The following NIBAN2 variants were observed in gnomAD, a reference collection of about 807,000 sequenced individuals.
NIBAN2 encodes the protein niban apoptosis regulator 2.
Under a neutral mutation model 81.8 loss-of-function variants are expected in NIBAN2, and 36 were observed. The observed-to-expected ratio is 0.44, with a 90% confidence interval of 0.34 to 0.58. The LOEUF (loss-of-function observed/expected upper bound fraction) is 0.58. Among genes scored for constraint, NIBAN2 ranks in the 20% least tolerant of loss-of-function variants. NIBAN2 has a pLI of 0.02. For synonymous variants in NIBAN2, 445 were observed against 441.6 expected, an observed-to-expected ratio of 1.01 and a Z score of -0.10; for missense variants, 897 against 1,014.1, an observed-to-expected ratio of 0.88 and a Z score of 1.57.
At position 127,517,584 on chromosome 9, in the gene NIBAN2, A is replaced by G. The variant is rs1473203258; in HGVS notation, c.705+242T>C. On this transcript the variant is annotated intron_variant, in intron 6 of 13. Transcript: ENST00000373312. This position sits in a 1 kb window ranked among gnomAD's most constrained non-coding sequence, Gnocchi z 4.0. ...CCCTGAGGGCCAGGAATTTGTCCAC[A>G]TCATTCCCAGCTGCACCCCAGTGCC... is the stretch of plus-strand genomic sequence containing the variant. 1.3e-5 allele frequency among the ~76,000 whole-genome samples: 2 copies of G among 152,162 alleles called. No individual in the cohort carries two copies. Among genetic ancestry groups the G allele is most frequent in the African/African-American group, 2.4e-5 (1 of 41,410 alleles).
rs375909922 is a variant in NIBAN2 at position 127,508,010 on chromosome 9, C to A, written c.1543-32G>T. ...GGGTGGGGCGGCAGAGATGAGAGGT[C>A]AGGGCCAAGGGTAGAGGGAGGCCTG... On this transcript the variant is annotated intron_variant, in intron 12 of 13. Coordinates refer to ENST00000373312, the MANE Select transcript of NIBAN2 (RefSeq NM_022833.4). This position sits in a 1 kb window ranked among gnomAD's most constrained non-coding sequence, Gnocchi z 6.4. 1.8e-4 allele frequency: 290 copies of A among 1,612,962 alleles called. No individual in the cohort carries two copies. The highest frequency in any genetic ancestry group is 2.3e-4 in the Non-Finnish European group (274 of 1,179,162).
chr9:127,521,917 T>G (rs1836950571), intron 5 of NIBAN2, among the ~76,000 whole-genome samples: 1 of 152,154 alleles, frequency 6.6e-6, no homozygotes, highest in African/African-American at 2.4e-5. Context: ...AGCTCAAGTT[T>G]ATCATCATCC....
At chr9:127,567,373 G>A (rs971129777) in intron 1 of NIBAN2, among the ~76,000 whole-genome samples, 3 of 152,192 alleles carry the variant, frequency 2.0e-5, no homozygotes, top group African/African-American at 4.8e-5. Flanking sequence ...AGGCCTGGTC[G>A]GATAAGGAGG....
At chr9:127,572,963 T>C (rs1253502149), upstream of NIBAN2, among the ~76,000 whole-genome samples, 2 of 152,154 alleles carry the variant, frequency 1.3e-5, no homozygotes, top group Admixed American at 6.5e-5. Context: ...AGGAAGACCT[T>C]GAGCCCAGGA....
At chr9:127,520,065 C>T (rs1033823661) in intron 5 of NIBAN2, among the ~76,000 whole-genome samples, 13 of 152,136 alleles carry the variant, frequency 8.5e-5, no homozygotes, top group Non-Finnish European at 1.6e-4. Context: ...TCTCTTTCTG[C>T]ACACCCAGCC....
At chr9:127,533,952 T>C (rs1837228290) in intron 1 of NIBAN2, among the ~76,000 whole-genome samples, 1 of 152,254 alleles carries the variant, frequency 6.6e-6, no homozygotes, top group Admixed American at 6.5e-5. Context: ...AGGTGAGTGC[T>C]ATGGCCTTGA....
intron 1 of NIBAN2, among the ~76,000 whole-genome samples, chr9:127,568,431 G>A (rs1251275274): frequency 3.3e-5 from 5 of 152,034 alleles, no homozygotes; most frequent in Non-Finnish European, 7.4e-5. Flanking sequence ...GCTGGGTCTG[G>A]GAGATCCCAA....
intron 5 of NIBAN2, among the ~76,000 whole-genome samples, chr9:127,523,381 G>A (rs1398197694): frequency 6.6e-6 from 1 of 150,886 alleles, no homozygotes; most frequent in African/African-American, 2.4e-5. Flanking sequence ...CTAAGGTCAC[G>A]TAGCTGGAAA....
intron 1 of NIBAN2, among the ~76,000 whole-genome samples, chr9:127,547,021 G>A (rs1794242415): frequency 6.6e-6 from 1 of 151,364 alleles, no homozygotes; most frequent in African/African-American, 2.4e-5. Context: ...CCCGAGAAAG[G>A]CCAAGATTCG....
At chr9:127,544,949 G>A (rs1019741020) in intron 1 of NIBAN2, among the ~76,000 whole-genome samples, 4 of 152,186 alleles carry the variant, frequency 2.6e-5, no homozygotes, top group African/African-American at 4.8e-5. Context: ...TTGGACAGAT[G>A]GGGAAACTGA....
intron 1 of NIBAN2, among the ~76,000 whole-genome samples, chr9:127,574,966 T>G (rs1431764180): frequency 6.6e-6 from 1 of 152,204 alleles, no homozygotes; most frequent in Non-Finnish European, 1.5e-5. Context: ...TCCAGGGAAC[T>G]GGCCTCCCTG....
chr9:127,508,303 C>A lies in NIBAN2; in HGVS notation c.1435-103G>T. The A allele has an allele frequency of 7.6e-7, 1 of 1,312,656 alleles. No individual in the cohort carries two copies. 81.3% of individuals were successfully genotyped at this position (1,312,656 alleles called of 1,614,324 possible). On this transcript the variant is annotated intron_variant, in intron 11 of 13. Coordinates refer to ENST00000373312, the MANE Select transcript of NIBAN2 (RefSeq NM_022833.4). The surrounding 1 kb of genome is among the most constrained non-coding windows in gnomAD (Gnocchi z 6.4). ...CTGACCCAAGCCTCCGAGTCCTCATCCGCACAAGAGGACCATGGCGCCTCC... is the reference window on the plus strand; with the variant it reads ...CTGACCCAAGCCTCCGAGTCCTCATACGCACAAGAGGACCATGGCGCCTCC...
chr9:127,554,647 G>A (rs1837636294), intron 1 of NIBAN2, among the ~76,000 whole-genome samples: 1 of 136,726 alleles, frequency 7.3e-6, no homozygotes. Context: ...TGCAATCTCA[G>A]CCTCCCAAGT....
At chr9:127,554,861 A>G (rs1178826713) in intron 1 of NIBAN2, among the ~76,000 whole-genome samples, 1 of 151,918 alleles carries the variant, frequency 6.6e-6, no homozygotes, top group Non-Finnish European at 1.5e-5. Context: ...GAGCCACCAA[A>G]ATGCTGGGAT....
chr9:127,575,730 A>G (rs949305774), intron 1 of NIBAN2, among the ~76,000 whole-genome samples: 4 of 151,770 alleles, frequency 2.6e-5, no homozygotes, highest in Non-Finnish European at 2.9e-5. Flanking sequence ...GGGTTTCACC[A>G]TATTGATCAG....
rs552297595 is a variant in NIBAN2, at chr9:127,535,011, G to C, written c.56-3233C>G. The stretch of plus-strand genomic sequence containing the variant: ...TCTCCATGAGAACCCCAGGAAGCCA[G>C]TGCTGTTGTTTTCCTATTTCAGGGA... On this transcript the variant is annotated intron_variant, in intron 1 of 13. Transcript: ENST00000373312. 1.9e-4 allele frequency among the ~76,000 whole-genome samples: 29 copies of C among 151,620 alleles called. 1 individual carries two copies. The South Asian group carries it at 6.1e-3, about 32-fold the overall frequency.
upstream of NIBAN2, among the ~76,000 whole-genome samples, chr9:127,573,046 T>G (rs1837966177): frequency 1.3e-5 from 2 of 152,110 alleles, no homozygotes; most frequent in South Asian, 4.1e-4. Context: ...CCTTCCCTCT[T>G]TATAGATATA....
intron 1 of NIBAN2, among the ~76,000 whole-genome samples, chr9:127,546,110 G>C (rs954476126): frequency 6.6e-6 from 1 of 152,208 alleles, no homozygotes; most frequent in East Asian, 1.9e-4. Context: ...CCACGCCCAA[G>C]GAGGAGGCTG....
upstream of NIBAN2, among the ~76,000 whole-genome samples, chr9:127,569,625 C>T (rs970872067): frequency 6.6e-6 from 1 of 151,900 alleles, no homozygotes; most frequent in Non-Finnish European, 1.5e-5. Flanking sequence ...GTGCCCCCTG[C>T]CCCCCCAAGT....
Sources: gnomAD v4.1 joint callset for allele counts (sites outside exome capture counted in the v4.1 genomes callset) on GRCh38, gnomAD v4.1.1 for gene constraint, Gnocchi (gnomAD v3.1) non-coding constraint, MANE v1.5 for transcripts, NCBI Gene and HGNC (gene_info 2026-07-23, HGNC 2026-07-21) for gene names.